Variants in CTNND2 observed in about 807,000 individuals in gnomAD.
CTNND2 encodes the protein catenin delta-2.
A neutral mutation model predicts 144.4 loss-of-function variants in CTNND2; 22 were observed. The observed-to-expected ratio is 0.15, with a 90% confidence interval of 0.11 to 0.22. The LOEUF is 0.22. Among genes scored for constraint, CTNND2 ranks in the 10% least tolerant of loss-of-function variants. The probability of loss-of-function intolerance (pLI) is 1.00; values close to 1 mark genes in which losing one functional copy is unlikely to be tolerated. For missense variants in CTNND2, 1,353 were observed against 1,618.8 expected (o/e 0.84, Z 2.82); for synonymous variants, 751 against 695.6 (o/e 1.08, Z -1.25).
chr5:11,486,300 G>T (rs1185323849), intron 3 of CTNND2, among the ~76,000 whole-genome samples: 1 of 152,170 alleles, frequency 6.6e-6, no homozygotes, highest in Non-Finnish European at 1.5e-5. Flanking sequence ...ATATCCAGTA[G>T]ATCACACTAG....
At chr5:11,855,292 AT>A (rs1203919118) in intron 1 of CTNND2, among the ~76,000 whole-genome samples, 2 of 152,148 alleles carry the variant, frequency 1.3e-5, no homozygotes, top group Non-Finnish European at 2.9e-5. Flanking sequence ...CCAGGTATGA[AT>A]CCTAGTTCCC....
intron 12 of CTNND2, among the ~76,000 whole-genome samples, chr5:11,143,440 G>A (rs1417340283): frequency 1.3e-5 from 2 of 152,202 alleles, no homozygotes; most frequent in African/African-American, 2.4e-5. Context: ...AGCTTCTGGT[G>A]GTTTGCTGGC....
At chr5:11,434,601 G>A (rs193282321) in intron 3 of CTNND2, among the ~76,000 whole-genome samples, 35 of 152,142 alleles carry the variant, frequency 2.3e-4, no homozygotes, top group African/African-American at 5.8e-4. Context: ...GACTTTCCAC[G>A]AAATGCATCA....
At chr5:11,403,663 C>T (rs894588799) in intron 5 of CTNND2, among the ~76,000 whole-genome samples, 4 of 152,150 alleles carry the variant, frequency 2.6e-5, no homozygotes, top group African/African-American at 9.7e-5. Flanking sequence ...AGAAGAAAAA[C>T]ATTATTTCTT....
chr5:11,860,654 A>C (rs1364724501), intron 1 of CTNND2, among the ~76,000 whole-genome samples: 1 of 152,252 alleles, frequency 6.6e-6, no homozygotes, highest in Non-Finnish European at 1.5e-5. Context: ...ACCTTACAAC[A>C]GATATGTAAA....
At chr5:11,102,193 A>G (rs575180417) in intron 14 of CTNND2, among the ~76,000 whole-genome samples, 1 of 152,178 alleles carries the variant, frequency 6.6e-6, no homozygotes, top group Non-Finnish European at 1.5e-5. Context: ...AATTTGCAAA[A>G]GTTCTAGTAT....
At chr5:11,634,970 G>T (rs967958750) in intron 2 of CTNND2, among the ~76,000 whole-genome samples, 4 of 151,920 alleles carry the variant, frequency 2.6e-5, no homozygotes, top group Admixed American at 2.0e-4. Context: ...AGAAGATATA[G>T]GCAATAGGTT....
At chr5:11,255,690 G>C (rs1744162669) in intron 9 of CTNND2, among the ~76,000 whole-genome samples, 1 of 152,048 alleles carries the variant, frequency 6.6e-6, no homozygotes, top group Admixed American at 6.6e-5. Context: ...TATCAGGTCT[G>C]TTTCTTCAGT....
chr5:11,331,345 A>C (rs559867240), intron 9 of CTNND2, among the ~76,000 whole-genome samples: 1 of 152,292 alleles, frequency 6.6e-6, no homozygotes, highest in East Asian at 1.9e-4. Flanking sequence ...GTATGAGGGG[A>C]AATTAACCCC....
intron 16 of CTNND2, among the ~76,000 whole-genome samples, chr5:11,050,634 C>A (rs1374903491): frequency 6.6e-6 from 1 of 152,166 alleles, no homozygotes; most frequent in African/African-American, 2.4e-5. Flanking sequence ...TGACCCACAA[C>A]CTGAGCATCC....
chr5:11,419,645 C>T (rs1762209594), intron 3 of CTNND2, among the ~76,000 whole-genome samples: 1 of 152,180 alleles, frequency 6.6e-6, no homozygotes, highest in African/African-American at 2.4e-5. Context: ...CAAAGACAAC[C>T]TTTGAGTTCC....
intron 1 of CTNND2, among the ~76,000 whole-genome samples, chr5:11,841,157 A>C (rs1455223772): frequency 6.6e-6 from 1 of 152,206 alleles, no homozygotes; most frequent in African/African-American, 2.4e-5. Context: ...GAACAAAAAA[A>C]AGTAAGGTAA....
intron 3 of CTNND2, among the ~76,000 whole-genome samples, chr5:11,444,498 T>G (rs116171186): frequency 0.018 from 2,698 of 152,152 alleles, 72 homozygotes; most frequent in African/African-American, 0.062. Context: ...AAGTATAAGA[T>G]GAAGGGCAGT....
chr5:11,439,782 ATCTATCT>A (rs1356940692), intron 3 of CTNND2, among the ~76,000 whole-genome samples: 1 of 150,210 alleles, frequency 6.7e-6, no homozygotes, highest in East Asian at 2.0e-4. Context: ...CTATCTATCT[ATCTATCT>A]ATCTATCTAT....
At chr5:10,984,676 G>C (rs984888135) in intron 20 of CTNND2, among the ~76,000 whole-genome samples, 1 of 151,978 alleles carries the variant, frequency 6.6e-6, no homozygotes, top group Admixed American at 6.5e-5. Context: ...TCATATGACC[G>C]AGCTAATAGT....
At chr5:11,496,743 T>C (rs547670231) in intron 3 of CTNND2, among the ~76,000 whole-genome samples, 53 of 152,306 alleles carry the variant, frequency 3.5e-4, no homozygotes, top group African/African-American at 1.0e-3. Flanking sequence ...ACTCAGTCAG[T>C]TGTTTTGAAT....
intron 9 of CTNND2, among the ~76,000 whole-genome samples, chr5:11,269,260 GAT>G (rs1745763056): frequency 6.6e-6 from 1 of 152,192 alleles, no homozygotes; most frequent in African/African-American, 2.4e-5. Context: ...CCAAGCTAGT[GAT>G]ACTGAATCAC....
At chr5:11,428,034 C>A (rs769613409) in intron 3 of CTNND2, among the ~76,000 whole-genome samples, 2 of 152,052 alleles carry the variant, frequency 1.3e-5, no homozygotes, top group Admixed American at 6.5e-5. Context: ...CCTGATAAAC[C>A]CATCAGATCT....
chr5:11,014,117 T>A (rs1258907300), intron 18 of CTNND2, among the ~76,000 whole-genome samples: 1 of 152,238 alleles, frequency 6.6e-6, no homozygotes, highest in Non-Finnish European at 1.5e-5. Flanking sequence ...TCCCAACCAA[T>A]GCAACTACTT....
Sources: allele counts gnomAD v4.1 joint callset (sites outside exome capture counted in the v4.1 genomes callset), GRCh38; gene constraint gnomAD v4.1.1; transcripts MANE v1.5; gene names NCBI Gene and HGNC (gene_info 2026-07-23, HGNC 2026-07-21).